CDON: variants seen among roughly 807,000 people sequenced by gnomAD.
CDON encodes the protein cell adhesion associated, oncogene regulated.
A neutral mutation model predicts 120.9 loss-of-function variants in CDON; 73 were observed. The ratio of observed to expected loss-of-function variants is 0.60; its 90% CI spans 0.50 to 0.73. The LOEUF is 0.73. CDON is among the 30% of genes least tolerant of loss of function. CDON has a pLI of 0.00. For missense variants in CDON, 1,470 were observed against 1,587.3 expected, an observed-to-expected ratio of 0.93 and a Z score of 1.26; for synonymous variants, 566 against 573.5, an observed-to-expected ratio of 0.99 and a Z score of 0.19.
intron 8 of CDON, among the ~76,000 whole-genome samples, chr11:126,009,824 T>A (rs182633556): frequency 6.6e-6 from 1 of 152,316 alleles, no homozygotes; most frequent in Admixed American, 6.5e-5. Flanking sequence ...TCAAAAATCA[T>A]ATATAGTTTT....
At chr11:126,026,332 C>T (rs1344841352) in intron 1 of CDON, among the ~76,000 whole-genome samples, 1 of 152,172 alleles carries the variant, frequency 6.6e-6, no homozygotes, top group Non-Finnish European at 1.5e-5. Context: ...GAATCCTGCC[C>T]CATGTTCCTG....
chr11:126,051,944 T>C (rs1254961806), intron 1 of CDON, among the ~76,000 whole-genome samples: 2 of 152,180 alleles, frequency 1.3e-5, no homozygotes, highest in Non-Finnish European at 2.9e-5. Flanking sequence ...CCACCGCACC[T>C]GGCCAACAAT....
chr11:126,024,808 G>A (rs2134716092), intron 1 of CDON, among the ~76,000 whole-genome samples: 1 of 152,250 alleles, frequency 6.6e-6, no homozygotes, highest in Non-Finnish European at 1.5e-5. Context: ...AAACAGAAGA[G>A]CCTTGGAATA....
At position 126,017,141 on chromosome 11, in the gene CDON, G is replaced by T; in HGVS notation, c.875C>A (p.Ala292Glu). The T allele has an allele frequency of 1.2e-6, 2 of 1,614,022 alleles. No homozygotes were observed. Among genetic ancestry groups the T allele is most frequent in the Non-Finnish European group, 1.7e-6 (2 of 1,179,952 alleles). Reference protein sequence around the residue: ...PADSGNYSCMAGNKSGDVKYV... With the variant: ...PADSGNYSCMEGNKSGDVKYV... ...TTTTACATCTCCAGACTTGTTTCCC[G>T]CCATGCAGGAATAGTTTCCGGAGTC... The change falls in exon 6 of 20, where the codon GCG (alanine) becomes GAG (glutamate). Residue 292 changes from alanine to glutamate, a missense_variant. Transcript: ENST00000531738.
intron 17 of CDON, among the ~76,000 whole-genome samples, chr11:125,980,022 GA>G (rs995365874): frequency 2.8e-4 from 42 of 151,764 alleles, no homozygotes; most frequent in Admixed American, 5.3e-4. Context: ...AAGATGGGGG[GA>G]AAAAAAACTC....
chr11:125,980,922 C>T lies in CDON; in HGVS notation c.3276+127G>A. On this transcript the variant is annotated intron_variant, in intron 17 of 19. Coordinates refer to ENST00000531738, the MANE Select transcript of CDON (RefSeq NM_001378964.1). ...CTGGATCAAAGGGCTGCCAGTGATC[C>T]ATGCTGTTTCCATTCGAGGAAACTT... 6 of 894,584 alleles carry T rather than the reference C, an allele frequency of 6.7e-6. 1 individual carries two copies. In the South Asian group the frequency reaches 8.7e-5, roughly 13 times the overall value. The allele number at this position is 894,584 out of a possible 1,614,324, so 55.4% of individuals were successfully genotyped here.
At chr11:126,013,606 ATTATCT>A (rs1303688402) in intron 7 of CDON, among the ~76,000 whole-genome samples, 8 of 151,952 alleles carry the variant, frequency 5.3e-5, no homozygotes, top group Non-Finnish European at 1.0e-4. Context: ...GCTTAATCTT[ATTATCT>A]TTAATTGCTG....
intron 1 of CDON, among the ~76,000 whole-genome samples, chr11:126,047,610 C>T (rs527346474): frequency 3.9e-4 from 60 of 152,312 alleles, no homozygotes; most frequent in African/African-American, 1.4e-3. Context: ...CAATCACTAG[C>T]CCAAGCTATT....
intron 1 of CDON, among the ~76,000 whole-genome samples, chr11:126,058,975 C>T (rs1948735860): frequency 6.6e-6 from 1 of 152,072 alleles, no homozygotes; most frequent in South Asian, 2.1e-4. Context: ...CTTAAAAAGA[C>T]AACAGAAAAG....
At chr11:125,999,430 G>A (rs1946875793) in intron 11 of CDON, among the ~76,000 whole-genome samples, 2 of 152,164 alleles carry the variant, frequency 1.3e-5, no homozygotes, top group African/African-American at 4.8e-5. Flanking sequence ...GACGATCTGA[G>A]GCATCGTGCA....
rs200932056 is a variant in CDON, at chr11:125,961,036, A to G, written c.3701T>C (p.Val1234Ala). Residue 1234 changes from valine to alanine, a missense_variant, in exon 20 of 20, where the codon GTC becomes GCC. Coordinates refer to ENST00000531738, the MANE Select transcript of CDON (RefSeq NM_001378964.1). Reference sequence around the variant, plus strand: ...TGTCTTCTCAGCACAGCCCTCGGGGACAGGTGGCAAAATAAGAGCATTCCA... The same window carrying G: ...TGTCTTCTCAGCACAGCCCTCGGGGGCAGGTGGCAAAATAAGAGCATTCCA... ...VSWNALILPP[V>A]PEGCAEKTMW... The G allele has an allele frequency of 6.2e-7, 1 of 1,614,000 alleles. No homozygotes were observed. Among genetic ancestry groups the G allele is most frequent in the Non-Finnish European group, 8.5e-7 (1 of 1,179,878 alleles).
At chr11:126,057,612 G>A (rs1303066343) in intron 1 of CDON, among the ~76,000 whole-genome samples, 2 of 152,178 alleles carry the variant, frequency 1.3e-5, no homozygotes, top group Non-Finnish European at 2.9e-5. Context: ...CTCCATCTGG[G>A]TACTGGTTAC....
At chr11:126,056,425 T>G (rs1343929552) in intron 1 of CDON, among the ~76,000 whole-genome samples, 1 of 152,244 alleles carries the variant, frequency 6.6e-6, no homozygotes, top group Non-Finnish European at 1.5e-5. Flanking sequence ...TGGCTGTATG[T>G]GAAGAATGAC....
chr11:126,044,045 TACAA>T (rs1041380813), intron 1 of CDON, among the ~76,000 whole-genome samples: 7 of 152,186 alleles, frequency 4.6e-5, no homozygotes, highest in Non-Finnish European at 1.0e-4. Flanking sequence ...TAGAATGCTG[TACAA>T]ACAAAGTTTG....
intron 16 of CDON, among the ~76,000 whole-genome samples, chr11:125,981,890 T>C (rs1314176879): frequency 6.6e-6 from 1 of 151,196 alleles, no homozygotes; most frequent in Non-Finnish European, 1.5e-5. Context: ...ATACAGTCAC[T>C]GATCATTCAT....
intron 18 of CDON, among the ~76,000 whole-genome samples, chr11:125,975,383 T>C (rs1946123422): frequency 6.6e-6 from 1 of 152,276 alleles, no homozygotes; most frequent in Admixed American, 6.5e-5. Flanking sequence ...ATAAAAGGCC[T>C]TGTTTATTAA....
chr11:126,056,543 A>AAT (rs1948683441), intron 1 of CDON, among the ~76,000 whole-genome samples: 6 of 152,336 alleles, frequency 3.9e-5, no homozygotes, highest in Admixed American at 2.6e-4. Flanking sequence ...ACACCCACAA[A>AAT]ATCCTTAATC....
chr11:126,042,221 G>C (rs186123340), intron 1 of CDON, among the ~76,000 whole-genome samples: 1 of 152,068 alleles, frequency 6.6e-6, no homozygotes, highest in Non-Finnish European at 1.5e-5. Flanking sequence ...ATCTTCATAC[G>C]CAATTATAAG....
At chr11:126,030,268 A>G (rs1947908494) in intron 1 of CDON, among the ~76,000 whole-genome samples, 2 of 152,238 alleles carry the variant, frequency 1.3e-5, no homozygotes, top group Admixed American at 1.3e-4. Context: ...TTGCTTTTAT[A>G]ACCCCTTTTC....
Sources: allele counts gnomAD v4.1 joint callset (sites outside exome capture counted in the v4.1 genomes callset), GRCh38; gene constraint gnomAD v4.1.1; transcripts MANE v1.5; gene names NCBI Gene and HGNC (gene_info 2026-07-23, HGNC 2026-07-21).